The following GRB14 variants were observed in gnomAD, a reference collection of about 807,000 sequenced individuals.
GRB14 encodes the protein growth factor receptor-bound protein 14.
GRB14 carries 38 observed loss-of-function variants against 69.1 expected under a neutral mutation model. That is an observed-to-expected ratio of 0.55 (90% CI 0.42 to 0.72). GRB14 has a LOEUF of 0.72. Ranked by LOEUF, GRB14 falls within the 30% of genes least tolerant of loss-of-function variation. The pLI, the probability that GRB14 is intolerant of heterozygous loss-of-function variation, is 0.00. For missense variants in GRB14, 666 were observed against 666.1 expected (o/e 1.00, Z 0.00); for synonymous variants, 247 against 241.3 (o/e 1.02, Z -0.22).
At chr2:164,602,695 A>G (rs1010317044) in intron 2 of GRB14, among the ~76,000 whole-genome samples, 3 of 152,192 alleles carry the variant, frequency 2.0e-5, no homozygotes, top group African/African-American at 4.8e-5. Context: ...AAGACTTAGT[A>G]TGTGCCCGGC....
chr2:164,570,473 T>G (rs897036189), intron 2 of GRB14, among the ~76,000 whole-genome samples: 1 of 152,036 alleles, frequency 6.6e-6, no homozygotes, highest in Non-Finnish European at 1.5e-5. Flanking sequence ...AGATATTAAT[T>G]TTTAAGTTAA....
intron 6 of GRB14, among the ~76,000 whole-genome samples, chr2:164,515,458 A>T (rs1687457383): frequency 6.6e-6 from 1 of 152,128 alleles, no homozygotes; most frequent in African/African-American, 2.4e-5. Flanking sequence ...TCTGAAAGAG[A>T]AATAACACTC....
At chr2:164,616,425 C>CAAAAAAAA (rs34263597) in intron 2 of GRB14, among the ~76,000 whole-genome samples, 4 of 66,624 alleles carry the variant, frequency 6.0e-5, no homozygotes, top group Admixed American at 2.0e-4. Context: ...GACTCCGTCT[C>CAAAAAAAA]AAAAAAAAAA....
At chr2:164,507,236 A>G (rs1687214878) in intron 8 of GRB14, among the ~76,000 whole-genome samples, 1 of 152,144 alleles carries the variant, frequency 6.6e-6, no homozygotes. Flanking sequence ...GTCAACAGAG[A>G]GCAGAAGAGG....
At chr2:164,601,510 A>C (rs1689913132) in intron 2 of GRB14, among the ~76,000 whole-genome samples, 1 of 152,140 alleles carries the variant, frequency 6.6e-6, no homozygotes, top group African/African-American at 2.4e-5. Flanking sequence ...ATTTTGTGTT[A>C]GATAGGCAGG....
rs530131174 is a variant in GRB14 at position 164,599,838 on chromosome 2, G to T, written c.324+19849C>A. Among the ~76,000 whole-genome samples the T allele has an allele frequency of 6.6e-5, 10 of 152,248 alleles. No homozygotes were observed. In the East Asian group the frequency reaches 9.7e-4, roughly 15 times the overall value. On this transcript the variant is annotated intron_variant, in intron 2 of 13. Transcript: ENST00000263915. ...AGATTTATAATCAACTAGCACTTTT[G>T]CATATCAGAATCTTAATTCTTATGA... is the stretch of plus-strand genomic sequence containing the variant.
chr2:164,592,010 G>A (rs1689677089), intron 2 of GRB14, among the ~76,000 whole-genome samples: 1 of 152,108 alleles, frequency 6.6e-6, no homozygotes, highest in Non-Finnish European at 1.5e-5. Context: ...TCTCTTGCCT[G>A]CCACCATGTA....
At chr2:164,602,079 G>A (rs559822030) in intron 2 of GRB14, among the ~76,000 whole-genome samples, 52 of 150,722 alleles carry the variant, frequency 3.5e-4, no homozygotes, top group African/African-American at 1.0e-3. Context: ...TATAGGCCTG[G>A]CCTATTTATA....
intron 6 of GRB14, among the ~76,000 whole-genome samples, chr2:164,517,677 C>G (rs1171646092): frequency 6.6e-6 from 1 of 152,052 alleles, no homozygotes; most frequent in East Asian, 1.9e-4. Flanking sequence ...AAAAAACATT[C>G]CATGCAAATG....
At chr2:164,495,939 A>AAATT (rs1206578034) in intron 12 of GRB14, among the ~76,000 whole-genome samples, 2 of 152,252 alleles carry the variant, frequency 1.3e-5, no homozygotes, top group Non-Finnish European at 2.9e-5. Context: ...GAAATAAAGA[A>AAATT]AATTACAATC....
chr2:164,611,397 C>A (rs11892553), intron 2 of GRB14, among the ~76,000 whole-genome samples: 1 of 151,992 alleles, frequency 6.6e-6, no homozygotes, highest in Admixed American at 6.6e-5. Context: ...AGATTCAAGC[C>A]TACTTTGATG....
intron 6 of GRB14, among the ~76,000 whole-genome samples, chr2:164,518,388 A>G (rs1338606177): frequency 6.6e-6 from 1 of 152,200 alleles, no homozygotes; most frequent in African/African-American, 2.4e-5. Context: ...AGGAAAGTTC[A>G]TAGCCTTAAA....
At chr2:164,612,829 T>C (rs1400311494) in intron 2 of GRB14, among the ~76,000 whole-genome samples, 3 of 152,150 alleles carry the variant, frequency 2.0e-5, no homozygotes, top group Non-Finnish European at 2.9e-5. Flanking sequence ...ACCCATATTG[T>C]AGATAAAGCT....
chr2:164,605,132 A>G (rs1445786596), intron 2 of GRB14, among the ~76,000 whole-genome samples: 2 of 152,208 alleles, frequency 1.3e-5, no homozygotes, highest in Non-Finnish European at 2.9e-5. Flanking sequence ...TCTCAAAGTA[A>G]TTATGTAAGA....
At chr2:164,619,530 A>G (rs1467121625) in intron 2 of GRB14, among the ~76,000 whole-genome samples, 157 bp downstream of exon 2, 4 of 152,220 alleles carry the variant, frequency 2.6e-5, no homozygotes, top group East Asian at 1.9e-4. Flanking sequence ...AAGGCCCTAA[A>G]TGGAAAATAA....
intron 2 of GRB14, among the ~76,000 whole-genome samples, chr2:164,597,906 C>G (rs1689822263): frequency 6.6e-6 from 1 of 151,994 alleles, no homozygotes; most frequent in Admixed American, 6.6e-5. Context: ...GAAAGGAAAG[C>G]AAGTAAACCA....
At chr2:164,573,529 A>C (rs768393276) in intron 2 of GRB14, among the ~76,000 whole-genome samples, 19 of 152,328 alleles carry the variant, frequency 1.2e-4, no homozygotes, top group Non-Finnish European at 2.1e-4. Flanking sequence ...TTTTAAATGA[A>C]TCAATTTTAT....
rs145113302 is a variant in GRB14, at chr2:164,595,726, T to A, written c.324+23961A>T. Among the ~76,000 whole-genome samples the A allele has an allele frequency of 3.5e-3, 526 of 152,282 alleles. 8 individuals are homozygous for A. Among genetic ancestry groups the A allele is most frequent in the African/African-American group, 0.012 (490 of 41,540 alleles). ...ATTTGAGTTTTTATAGACAGCACTC[T>A]AGCAATAACAGAAGAAGAAGAGACG... On this transcript the variant is annotated intron_variant, in intron 2 of 13. Coordinates refer to ENST00000263915, the MANE Select transcript of GRB14 (RefSeq NM_004490.3).
chr2:164,577,087 T>C (rs6751937), intron 2 of GRB14, among the ~76,000 whole-genome samples: 19,385 of 152,174 alleles, frequency 0.13, 4,127 homozygotes, highest in African/African-American at 0.44. Context: ...TTCAAAGAAA[T>C]TAATTGCTAT....
Sources: allele counts gnomAD v4.1 joint callset (sites outside exome capture counted in the v4.1 genomes callset), GRCh38; gene constraint gnomAD v4.1.1; transcripts MANE v1.5; gene names NCBI Gene and HGNC (gene_info 2026-07-23, HGNC 2026-07-21).